Variants in CSMD1 observed in about 807,000 individuals in gnomAD.
CSMD1 encodes CUB and sushi domain-containing protein 1.
Under a neutral mutation model 417.5 loss-of-function variants are expected in CSMD1, and 213 were observed. The ratio of observed to expected loss-of-function variants is 0.51; its 90% CI spans 0.46 to 0.57. The LOEUF (loss-of-function observed/expected upper bound fraction) is 0.57, where lower values mean the gene tolerates loss of function less well. CSMD1 is among the 20% of genes least tolerant of loss of function. The pLI, the probability that CSMD1 is intolerant of heterozygous loss-of-function variation, is 0.00. For missense variants in CSMD1, 6,923 were observed against 4,529.7 expected (o/e 1.53, Z -15.17); for synonymous variants, 2,862 against 1,736.8 (o/e 1.65, Z -16.11).
intron 3 of CSMD1, among the ~76,000 whole-genome samples, chr8:4,386,807 G>A (rs932190571): frequency 1.3e-5 from 2 of 152,130 alleles, no homozygotes; most frequent in Admixed American, 1.3e-4. Context: ...AAAATATTCT[G>A]GGCTCTTGGG....
At chr8:4,778,230 A>G (rs1796969477) in intron 1 of CSMD1, among the ~76,000 whole-genome samples, 2 of 152,190 alleles carry the variant, frequency 1.3e-5, no homozygotes, top group African/African-American at 4.8e-5. Context: ...GCAATTATTA[A>G]TGAATAATCT....
intron 2 of CSMD1, among the ~76,000 whole-genome samples, chr8:4,436,442 T>A (rs1798153622): frequency 6.6e-6 from 1 of 152,112 alleles, no homozygotes; most frequent in Non-Finnish European, 1.5e-5. Context: ...GTGGGGTACA[T>A]GGCATGTTTT....
At chr8:4,853,962 C>A (rs1395455244) in intron 1 of CSMD1, among the ~76,000 whole-genome samples, 1 of 152,048 alleles carries the variant, frequency 6.6e-6, no homozygotes. Flanking sequence ...TTCTTTTGGC[C>A]ATTTTTTTTC....
chr8:3,787,972 G>C (rs1247334945), intron 5 of CSMD1, among the ~76,000 whole-genome samples: 2 of 152,172 alleles, frequency 1.3e-5, no homozygotes, highest in Non-Finnish European at 2.9e-5. Context: ...TAATGCTCTT[G>C]AATAATTGGG....
chr8:4,406,125 G>A (rs1237855110), intron 3 of CSMD1, among the ~76,000 whole-genome samples: 2 of 152,286 alleles, frequency 1.3e-5, no homozygotes, highest in African/African-American at 4.8e-5. Context: ...CCAAACAGCT[G>A]TCAGATGGCA....
chr8:4,689,678 G>A (rs749569948), intron 1 of CSMD1, among the ~76,000 whole-genome samples: 4 of 151,864 alleles, frequency 2.6e-5, no homozygotes, highest in Non-Finnish European at 4.4e-5. Context: ...TTTTTTTTGC[G>A]AAATGCCTTT....
intron 5 of CSMD1, among the ~76,000 whole-genome samples, chr8:3,968,292 C>G (rs911772474): frequency 2.6e-5 from 4 of 151,974 alleles, no homozygotes; most frequent in Admixed American, 2.0e-4. Context: ...ATTGCCTGGA[C>G]AATACTCATA....
rs568439466 is a variant in CSMD1 at position 4,918,551 on chromosome 8, C to G, written c.85+75781G>C. Among the ~76,000 whole-genome samples the G allele has an allele frequency of 5.9e-5, 9 of 152,216 alleles. No individual in the cohort carries two copies. In the South Asian group the frequency reaches 1.9e-3, roughly 32 times the overall value. On this transcript the variant is annotated intron_variant, in intron 1 of 69. Transcript: ENST00000635120. ...TAAATGTGAAAAAAAAAGCCAATTT[C>G]CAATGTCTAGACAAGCACTGCGAGT...
chr8:3,538,862 G>A (rs1035138809), intron 10 of CSMD1, among the ~76,000 whole-genome samples: 6 of 152,188 alleles, frequency 3.9e-5, no homozygotes, highest in Non-Finnish European at 8.8e-5. Context: ...CTTCCTAAGT[G>A]TTCCTAGTTG....
At chr8:4,056,557 TAA>T (rs1798702610) in intron 3 of CSMD1, among the ~76,000 whole-genome samples, 1 of 147,206 alleles carries the variant, frequency 6.8e-6, no homozygotes, top group Non-Finnish European at 1.5e-5. Context: ...TATTATAGTT[TAA>T]GTTTTAGGGT....
intron 5 of CSMD1, among the ~76,000 whole-genome samples, chr8:3,757,683 T>G (rs1380779108): frequency 6.6e-6 from 1 of 151,896 alleles, no homozygotes; most frequent in African/African-American, 2.4e-5. Flanking sequence ...GCCAACATGG[T>G]GAAACCCTGT....
chr8:4,849,165 G>A (rs987650965), intron 1 of CSMD1, among the ~76,000 whole-genome samples: 6 of 152,108 alleles, frequency 3.9e-5, no homozygotes, highest in East Asian at 1.9e-4. Context: ...TAACAAAAAC[G>A]TTTTCAAAAA....
At chr8:3,530,127 T>G (rs558322433) in intron 10 of CSMD1, among the ~76,000 whole-genome samples, 1 of 152,300 alleles carries the variant, frequency 6.6e-6, no homozygotes, top group African/African-American at 2.4e-5. Flanking sequence ...AAAAGCAACT[T>G]GGTTTAAGTT....
At position 3,565,236 on chromosome 8, in the gene CSMD1, T is replaced by A. The variant is rs117758703; in HGVS notation, c.1344+9709A>T. The stretch of plus-strand genomic sequence containing the variant: ...TAGAGAGATAGACAGATAGATAGAT[T>A]AATGATGACAGCCAAGATGAACTAA... On this transcript the variant is annotated intron_variant, in intron 10 of 69. Transcript: ENST00000635120. 5.5e-3 allele frequency among the ~76,000 whole-genome samples: 743 copies of A among 135,182 alleles called. 8 individuals are homozygous for A. Among genetic ancestry groups the A allele is most frequent in the East Asian group, 0.047 (221 of 4,664 alleles). The allele number at this position is 135,182 out of a possible 152,430, so 88.7% of individuals were successfully genotyped here.
At chr8:4,147,442 A>C (rs909545097) in intron 3 of CSMD1, among the ~76,000 whole-genome samples, 3 of 152,046 alleles carry the variant, frequency 2.0e-5, no homozygotes, top group Admixed American at 2.0e-4. Context: ...TACCTTCTGG[A>C]AAGTCCCACG....
intron 7 of CSMD1, among the ~76,000 whole-genome samples, chr8:3,636,227 G>C (rs1248891155): frequency 6.6e-6 from 1 of 152,188 alleles, no homozygotes; most frequent in Admixed American, 6.5e-5. Context: ...GCAGTAACAG[G>C]CGTGGAACTG....
intron 25 of CSMD1, among the ~76,000 whole-genome samples, chr8:3,298,599 G>A (rs943649150): frequency 4.6e-5 from 7 of 152,132 alleles, no homozygotes; most frequent in South Asian, 2.1e-4. Flanking sequence ...GATTATAGGC[G>A]TGTGCCAACA....
chr8:4,123,166 GT>G (rs1469494380), intron 3 of CSMD1, among the ~76,000 whole-genome samples: 1 of 152,214 alleles, frequency 6.6e-6, no homozygotes, highest in African/African-American at 2.4e-5. Flanking sequence ...ATGCTGAGAT[GT>G]TTTTTATAAC....
At chr8:4,938,880 T>C (rs1807798753) in intron 1 of CSMD1, among the ~76,000 whole-genome samples, 1 of 152,228 alleles carries the variant, frequency 6.6e-6, no homozygotes, top group Non-Finnish European at 1.5e-5. Context: ...AATTTGCATT[T>C]TCCTGATGAT....
Sources: allele counts gnomAD v4.1 joint callset (sites outside exome capture counted in the v4.1 genomes callset), GRCh38; gene constraint gnomAD v4.1.1; transcripts MANE v1.5; gene names NCBI Gene and HGNC (gene_info 2026-07-23, HGNC 2026-07-21).